Variants in B3GALT5 observed in about 807,000 individuals in gnomAD.
B3GALT5 encodes the protein beta-1,3-galactosyltransferase 5.
For missense variants in B3GALT5, 328 were observed against 396.6 expected, an observed-to-expected ratio of 0.83 and a Z score of 1.47; for synonymous variants, 156 against 158.6, an observed-to-expected ratio of 0.98 and a Z score of 0.12.
intron 1 of B3GALT5, among the ~76,000 whole-genome samples, chr21:39,615,563 C>T (rs940890716): frequency 6.6e-6 from 1 of 152,222 alleles, no homozygotes; most frequent in Non-Finnish European, 1.5e-5. Flanking sequence ...CATTCATTCA[C>T]GCATTGAATA....
At chr21:39,654,022 TGC>T (rs2079418779) in intron 2 of B3GALT5, among the ~76,000 whole-genome samples, 1 of 152,252 alleles carries the variant, frequency 6.6e-6, no homozygotes, top group Non-Finnish European at 1.5e-5. Flanking sequence ...TGAGCAATGC[TGC>T]TGTGAACATT....
At chr21:39,630,548 G>A (rs2079186598) in intron 1 of B3GALT5, 1 of 152,204 alleles carries the variant, frequency 6.6e-6, no homozygotes, top group South Asian at 2.1e-4. Context: ...CATAGCATCT[G>A]TGCTGGGTTT....
chr21:39,669,641 G>A lies in B3GALT5; in HGVS notation c.*8149G>A, dbSNP rs1373502287. 6.6e-6 allele frequency: 1 copy of A among 152,094 alleles called. No homozygotes were observed. Among genetic ancestry groups the A allele is most frequent in the African/African-American group, 2.4e-5 (1 of 41,400 alleles). The allele number at this position is 152,094 out of a possible 1,614,324, so 9.4% of individuals were successfully genotyped here. A position where few individuals can be genotyped will look rare whatever the true frequency, so the allele number is the denominator to read the frequency against. ...GTCCATCCATACCTGCTGTTTCACTGAAACCCCACAGCAGCCTCTGGAGGG... is the reference window on the plus strand; with the variant it reads ...GTCCATCCATACCTGCTGTTTCACTAAAACCCCACAGCAGCCTCTGGAGGG... On this transcript the variant is annotated 3_prime_UTR_variant, in exon 4 of 4. Coordinates refer to ENST00000684187, the MANE Select transcript of B3GALT5 (RefSeq NM_001356336.2).
intron 1 of B3GALT5, among the ~76,000 whole-genome samples, chr21:39,626,349 T>C (rs569269759): frequency 2.6e-5 from 4 of 152,360 alleles, no homozygotes; most frequent in African/African-American, 7.2e-5. Flanking sequence ...CTCGGGTTGT[T>C]TTCACCTTTT....
chr21:39,648,960 C>G (rs1023755651), intron 2 of B3GALT5, among the ~76,000 whole-genome samples: 1 of 152,240 alleles, frequency 6.6e-6, no homozygotes, highest in Non-Finnish European at 1.5e-5. Flanking sequence ...ATCTTAGACT[C>G]CTGTCTCCAG....
At chr21:39,633,563 A>G (rs1172169223) in intron 1 of B3GALT5, among the ~76,000 whole-genome samples, 1 of 152,238 alleles carries the variant, frequency 6.6e-6, no homozygotes, top group Non-Finnish European at 1.5e-5. Flanking sequence ...CTACAAAGAC[A>G]TCTCCTAAAC....
In B3GALT5 at chr21:39,660,789, G is replaced by C. The variant is rs778258524; in HGVS notation, c.230G>C (p.Arg77Pro). 1.3e-6 allele frequency: 2 copies of C among 1,573,400 alleles called. No individual in the cohort carries two copies. Among genetic ancestry groups the C allele is most frequent in the East Asian group, 4.5e-5 (2 of 44,544 alleles). Residue 77 changes from arginine to proline, a missense_variant, in exon 4 of 4, where the codon CGG (arginine) becomes CCG (proline). By Grantham distance (103) the Arg-to-Pro change is moderately radical. Coordinates refer to ENST00000684187, the MANE Select transcript of B3GALT5 (RefSeq NM_001356336.2). ...HKQLAERMAI[R>P]QTWGKERMVK... ...CAGTTGGCTGAGCGCATGGCCATCCGGCAGACGTGGGGGAAAGAGAGGATG... is the reference window on the plus strand; with the variant it reads ...CAGTTGGCTGAGCGCATGGCCATCCCGCAGACGTGGGGGAAAGAGAGGATG...
At chr21:39,628,175 A>T (rs577586164) in intron 1 of B3GALT5, among the ~76,000 whole-genome samples, 1 of 152,328 alleles carries the variant, frequency 6.6e-6, no homozygotes, top group African/African-American at 2.4e-5. Flanking sequence ...AATCGTTATT[A>T]TAAATACGGT....
intron 1 of B3GALT5, among the ~76,000 whole-genome samples, chr21:39,642,699 G>A (rs529746777): frequency 6.6e-6 from 1 of 152,308 alleles, no homozygotes; most frequent in East Asian, 1.9e-4. Context: ...TATGGAGGAA[G>A]TGGGATAATT....
intron 1 of B3GALT5, among the ~76,000 whole-genome samples, chr21:39,628,201 A>AATG (rs1384703678): frequency 1.3e-5 from 2 of 152,226 alleles, no homozygotes; most frequent in African/African-American, 4.8e-5. Flanking sequence ...AATTAGGGGA[A>AATG]ATGATGAACC....
At chr21:39,660,467 C>G (rs1313816452) in intron 3 of B3GALT5, 93 bp from the exon 4 acceptor site, 1 of 1,134,326 alleles carries the variant, frequency 8.8e-7, no homozygotes, top group Non-Finnish European at 1.2e-6. Context: ...GTTTCCAAAA[C>G]ACGGGTCTCC....
In B3GALT5 at chr21:39,664,282, A is replaced by G; in HGVS notation, c.*2790A>G. On this transcript the variant is annotated 3_prime_UTR_variant, in exon 4 of 4. Coordinates refer to ENST00000684187, the MANE Select transcript of B3GALT5 (RefSeq NM_001356336.2). ...CTGCCTCTCTGGGGTGCCTCCTCAG[A>G]CTCCCCCAACCATACACGCCTACAC... 1 of 151,062 alleles carries G rather than the reference A, an allele frequency of 6.6e-6. No individual in the cohort carries two copies. Among genetic ancestry groups the G allele is most frequent in the Non-Finnish European group, 1.5e-5 (1 of 67,882 alleles). 9.4% of individuals were successfully genotyped at this position (151,062 alleles called of 1,614,324 possible). A position where few individuals can be genotyped will look rare whatever the true frequency, so the allele number is the denominator to read the frequency against.
At chr21:39,645,546 G>T (rs1191315650) in intron 1 of B3GALT5, among the ~76,000 whole-genome samples, 2 of 152,196 alleles carry the variant, frequency 1.3e-5, no homozygotes, top group Admixed American at 1.3e-4. Flanking sequence ...TTTGGTGTGT[G>T]TGGAGCCTCT....
chr21:39,653,209 A>G (rs933679899), intron 2 of B3GALT5, among the ~76,000 whole-genome samples: 1 of 152,238 alleles, frequency 6.6e-6, no homozygotes, highest in African/African-American at 2.4e-5. Context: ...TTTCATGTCT[A>G]GCTCTTTTCA....
chr21:39,668,995 G>T lies in B3GALT5; in HGVS notation c.*7503G>T, dbSNP rs1170732077. 1 of 152,240 alleles carries T rather than the reference G, an allele frequency of 6.6e-6. No homozygotes were observed. Among genetic ancestry groups the T allele is most frequent in the African/African-American group, 2.4e-5 (1 of 41,446 alleles). The allele number at this position is 152,240 out of a possible 1,614,324, so 9.4% of individuals were successfully genotyped here. On this transcript the variant is annotated 3_prime_UTR_variant, in exon 4 of 4. Coordinates refer to ENST00000684187, the MANE Select transcript of B3GALT5 (RefSeq NM_001356336.2). ...GAATTTTGGTGGATTCTATGGTGGT[G>T]TATACAGCACTATCTATCAGTGTAC...
chr21:39,645,485 T>C (rs756158636), intron 1 of B3GALT5, among the ~76,000 whole-genome samples: 1 of 152,178 alleles, frequency 6.6e-6, no homozygotes, highest in Non-Finnish European at 1.5e-5. Flanking sequence ...GATGGATGCG[T>C]TGGTTTCCTC....
At chr21:39,653,537 A>G (rs531470341) in intron 2 of B3GALT5, among the ~76,000 whole-genome samples, 210 of 152,336 alleles carry the variant, frequency 1.4e-3, no homozygotes, top group African/African-American at 4.9e-3. Context: ...CTGTGGTGTT[A>G]CAGGAGTACT....
intron 1 of B3GALT5, among the ~76,000 whole-genome samples, chr21:39,631,825 G>A (rs1169247497): frequency 1.3e-5 from 2 of 152,198 alleles, no homozygotes; most frequent in African/African-American, 4.8e-5. Flanking sequence ...ACCAAGAAAG[G>A]GGATGCTGGT....
Position 39,672,311 on chromosome 21 carries a change from A to G in B3GALT5, c.*10819A>G, listed in dbSNP as rs1382247220. The G allele has an allele frequency of 1.3e-5, 2 of 152,236 alleles. No individual in the cohort carries two copies. Among genetic ancestry groups the G allele is most frequent in the African/African-American group, 4.8e-5 (2 of 41,462 alleles). 9.4% of individuals were successfully genotyped at this position (152,236 alleles called of 1,614,324 possible). On this transcript the variant is annotated 3_prime_UTR_variant, in exon 4 of 4. Transcript: ENST00000684187. ...CCAGAGAGTATCAGATGGGAAATAG[A>G]TGACTTGTTTTACCTGGTCAAATAA... is the stretch of plus-strand genomic sequence containing the variant.
Sources: allele counts gnomAD v4.1 joint callset (sites outside exome capture counted in the v4.1 genomes callset), GRCh38; gene constraint gnomAD v4.1.1; transcripts MANE v1.5; gene names NCBI Gene and HGNC (gene_info 2026-07-23, HGNC 2026-07-21).